Variants in MVB12B observed in about 807,000 individuals in gnomAD.
MVB12B encodes the protein ESCRT-I complex subunit MVB12B.
A neutral mutation model predicts 41.6 loss-of-function variants in MVB12B; 16 were observed. That is an observed-to-expected ratio of 0.38 (90% CI 0.26 to 0.58). MVB12B has a LOEUF of 0.58. Among genes scored for constraint, MVB12B ranks in the 20% least tolerant of loss-of-function variants. The pLI is 0.62. For synonymous variants in MVB12B, 133 were observed against 139.7 expected, an observed-to-expected ratio of 0.95 and a Z score of 0.34; for missense variants, 274 against 380.2, an observed-to-expected ratio of 0.72 and a Z score of 2.32.
chr9:126,418,742 G>A (rs531862797), intron 6 of MVB12B, among the ~76,000 whole-genome samples: 1 of 152,220 alleles, frequency 6.6e-6, no homozygotes, highest in Non-Finnish European at 1.5e-5. Flanking sequence ...TCCCCACGGA[G>A]CCTCGAGTGC....
intron 2 of MVB12B, among the ~76,000 whole-genome samples, chr9:126,363,337 T>C (rs1301620002): frequency 6.6e-6 from 1 of 152,198 alleles, no homozygotes; most frequent in Non-Finnish European, 1.5e-5. Context: ...ATGAGGTATG[T>C]ATATGATGGG....
At chr9:126,460,683 C>T (rs1214363180) in intron 7 of MVB12B, among the ~76,000 whole-genome samples, 1 of 151,944 alleles carries the variant, frequency 6.6e-6, no homozygotes, top group African/African-American at 2.4e-5. Flanking sequence ...GGAGATGATG[C>T]TGGGGGTGGT....
chr9:126,462,009 A>G (rs1181953018), intron 7 of MVB12B, among the ~76,000 whole-genome samples: 2 of 152,232 alleles, frequency 1.3e-5, no homozygotes, highest in Admixed American at 6.5e-5. Context: ...TTATGCTCCC[A>G]TCACTCACGA....
intron 7 of MVB12B, among the ~76,000 whole-genome samples, chr9:126,434,845 T>G (rs1192530371): frequency 6.6e-6 from 1 of 152,228 alleles, no homozygotes; most frequent in Non-Finnish European, 1.5e-5. Context: ...GATCCATCTC[T>G]GGTCATCATG....
At chr9:126,373,970 T>C (rs1238848600) in intron 2 of MVB12B, among the ~76,000 whole-genome samples, 2 of 152,262 alleles carry the variant, frequency 1.3e-5, no homozygotes, top group African/African-American at 2.4e-5. Context: ...GATAATTGTT[T>C]TGAAAACAAA....
rs1270562649 is a variant in MVB12B at position 126,358,288 on chromosome 9, A to G, written c.204+17658A>G. Among the ~76,000 whole-genome samples the G allele has an allele frequency of 3.3e-5, 5 of 152,078 alleles. No homozygotes were observed. In the East Asian group the frequency reaches 9.6e-4, roughly 29 times the overall value. ...TTTTCAAAGTTATTTTGGTCGTTCTAGGTCCTTCAAATTTTAATACAAATT... is the reference window on the plus strand; with the variant it reads ...TTTTCAAAGTTATTTTGGTCGTTCTGGGTCCTTCAAATTTTAATACAAATT... On this transcript the variant is annotated intron_variant, in intron 2 of 9. Coordinates refer to ENST00000361171, the MANE Select transcript of MVB12B (RefSeq NM_033446.3).
rs1294537040 is a variant in MVB12B, at chr9:126,505,165, TAAC to T, written c.*1904_*1906del. ...CGTGCCCTGGTTGTGAGATTGCCTC[TAAC>T]AGGTAATGCCAGGGGCCCTTCACTC... On this transcript the variant is annotated 3_prime_UTR_variant, in exon 10 of 10. Transcript: ENST00000361171. The T allele has an allele frequency of 1.3e-5, 2 of 152,310 alleles. No individual in the cohort carries two copies. Among genetic ancestry groups the T allele is most frequent in the African/African-American group, 4.8e-5 (2 of 41,444 alleles). 9.4% of individuals were successfully genotyped at this position (152,310 alleles called of 1,614,324 possible).
At chr9:126,502,029 C>T (rs1038690628) in intron 9 of MVB12B, among the ~76,000 whole-genome samples, 1 of 152,216 alleles carries the variant, frequency 6.6e-6, no homozygotes, top group African/African-American at 2.4e-5. Context: ...ATGGTCAGCT[C>T]ACCCATAGGG....
At chr9:126,350,800 G>A (rs1199964082) in intron 2 of MVB12B, among the ~76,000 whole-genome samples, 1 of 152,148 alleles carries the variant, frequency 6.6e-6, no homozygotes, top group Non-Finnish European at 1.5e-5. Context: ...TTTTTGAGGG[G>A]ACGTTCAAAC....
chr9:126,458,201 C>T (rs1050789200), intron 7 of MVB12B, among the ~76,000 whole-genome samples: 1 of 152,156 alleles, frequency 6.6e-6, no homozygotes, highest in Non-Finnish European at 1.5e-5. Flanking sequence ...TTCTGTTACT[C>T]GCCCACCAGG....
chr9:126,337,069 T>C (rs1215912012), intron 1 of MVB12B, among the ~76,000 whole-genome samples: 1 of 152,192 alleles, frequency 6.6e-6, no homozygotes, highest in African/African-American at 2.4e-5. Flanking sequence ...ATTTCAACAT[T>C]TGTCTTGTCA....
rs548691935 is a variant in MVB12B, at chr9:126,459,485, C to G, written c.758-21884C>G. ...GTTGCTTCAGAAAGGCTTCACAGAACTGTGCCTGTGAGACCACGAGACCCT... is the reference window on the plus strand; with the variant it reads ...GTTGCTTCAGAAAGGCTTCACAGAAGTGTGCCTGTGAGACCACGAGACCCT... On this transcript the variant is annotated intron_variant, in intron 7 of 9. Coordinates refer to ENST00000361171, the MANE Select transcript of MVB12B (RefSeq NM_033446.3). The surrounding 1 kb of genome is among the most constrained non-coding windows in gnomAD (Gnocchi z 4.3). 7.9e-5 allele frequency among the ~76,000 whole-genome samples: 12 copies of G among 152,322 alleles called. No individual in the cohort carries two copies. The East Asian group carries it at 2.3e-3, about 29-fold the overall frequency.
At chr9:126,358,046 A>G (rs1462907929) in intron 2 of MVB12B, among the ~76,000 whole-genome samples, 1 of 152,042 alleles carries the variant, frequency 6.6e-6, no homozygotes, top group Non-Finnish European at 1.5e-5. Context: ...TAGCTGTCCA[A>G]TTGTTCTAGT....
Position 126,361,910 on chromosome 9 carries a change from G to GAAA in MVB12B, c.205-19135_205-19133dup, listed in dbSNP as rs765678033. On this transcript the variant is annotated intron_variant, in intron 2 of 9. Coordinates refer to ENST00000361171, the MANE Select transcript of MVB12B (RefSeq NM_033446.3). Reference sequence around the variant, plus strand: ...GCCTGAGCAACAGAGTGAAACTCTGGAAAAAAAAAAAAAAAAAAAAAGATG... The same window carrying GAAA: ...GCCTGAGCAACAGAGTGAAACTCTGGAAAAAAAAAAAAAAAAAAAAAAAAGATG... Among the ~76,000 whole-genome samples the GAAA allele has an allele frequency of 8.5e-5, 5 of 58,992 alleles. No individual in the cohort carries two copies. In the South Asian group the frequency reaches 1.7e-3, roughly 20 times the overall value. 38.7% of individuals were successfully genotyped at this position (58,992 alleles called of 152,430 possible).
At chr9:126,410,473 T>A (rs1283099174) in intron 6 of MVB12B, among the ~76,000 whole-genome samples, 2 of 152,170 alleles carry the variant, frequency 1.3e-5, no homozygotes, top group African/African-American at 4.8e-5. Context: ...GGGTACTACT[T>A]CCCTTGCTGG....
chr9:126,395,737 T>C lies in MVB12B; in HGVS notation c.662+40T>C. On this transcript the variant is annotated intron_variant, in intron 6 of 9. Transcript: ENST00000361171. The surrounding 1 kb of genome is among the most constrained non-coding windows in gnomAD (Gnocchi z 4.9). ...GGGTGTCTTGCGTTGTCCTGTGGTC[T>C]TAGGTCCCTGCACAACATTTTAGAA... 1.7e-5 allele frequency: 28 copies of C among 1,610,848 alleles called. No individual in the cohort carries two copies. The highest frequency in any genetic ancestry group is 2.3e-5 in the Non-Finnish European group (27 of 1,178,454).
At chr9:126,493,758 T>G (rs904436157) in intron 9 of MVB12B, among the ~76,000 whole-genome samples, 1 of 152,234 alleles carries the variant, frequency 6.6e-6, no homozygotes, top group Non-Finnish European at 1.5e-5. Context: ...GAACGAGATC[T>G]TTTTTCTCAT....
chr9:126,363,655 C>T (rs899443365), intron 2 of MVB12B, among the ~76,000 whole-genome samples: 3 of 152,166 alleles, frequency 2.0e-5, no homozygotes, highest in South Asian at 4.2e-4. Context: ...TACCACCAAG[C>T]GCTGAGCACC....
intron 7 of MVB12B, among the ~76,000 whole-genome samples, chr9:126,429,803 G>A (rs1447126536): frequency 6.6e-6 from 1 of 152,142 alleles, no homozygotes; most frequent in Non-Finnish European, 1.5e-5. Flanking sequence ...GGCACTTGGG[G>A]AACTCCTGCC....
Sources: gnomAD v4.1 joint callset for allele counts (sites outside exome capture counted in the v4.1 genomes callset) on GRCh38, gnomAD v4.1.1 for gene constraint, Gnocchi (gnomAD v3.1) non-coding constraint, MANE v1.5 for transcripts, NCBI Gene and HGNC (gene_info 2026-07-23, HGNC 2026-07-21) for gene names.